Variants in EXOSC5 observed in about 807,000 individuals in gnomAD.
The protein encoded by EXOSC5 is exosome component 5, also known as exosome complex component RRP46.
Under a neutral mutation model 23.7 loss-of-function variants are expected in EXOSC5, and 15 were observed. The observed-to-expected ratio is 0.63, with a 90% confidence interval of 0.42 to 0.97. EXOSC5 has a LOEUF of 0.97. EXOSC5 is among the 50% of genes least tolerant of loss of function. The pLI, the probability that EXOSC5 is intolerant of heterozygous loss-of-function variation, is 0.00. For synonymous variants in EXOSC5, 143 were observed against 140.9 expected, an observed-to-expected ratio of 1.02 and a Z score of -0.11; for missense variants, 305 against 316.3, an observed-to-expected ratio of 0.96 and a Z score of 0.27.
intron 1 of EXOSC5, among the ~76,000 whole-genome samples, chr19:41,396,567 T>C (rs1250875565): frequency 4.6e-5 from 7 of 151,840 alleles, no homozygotes; most frequent in Admixed American, 2.6e-4. Context: ...CTGAGAGTTA[T>C]TTAGCTAGGA....
At chr19:41,389,635 A>G in intron 4 of EXOSC5, 130 bp downstream of exon 4, 1 of 1,320,666 alleles carries the variant, frequency 7.6e-7, no homozygotes, top group Non-Finnish European at 1.0e-6. Context: ...AACCATGATG[A>G]TTAGAGCAGC....
intron 1 of EXOSC5, among the ~76,000 whole-genome samples, chr19:41,393,900 C>T (rs2123225969): frequency 6.6e-6 from 1 of 152,192 alleles, no homozygotes; most frequent in Middle Eastern, 3.4e-3. Context: ...GCTAACCATC[C>T]TCCCTCTTAC....
In EXOSC5 at chr19:41,389,756, C is replaced by T; in HGVS notation, c.525+9G>A. 6.2e-7 allele frequency: 1 copy of T among 1,611,468 alleles called. No homozygotes were observed. ...TCTGCCCTTCAGCCACCCTGGTCTT[C>T]ACACCTACCTTTTCTTGCTTGGATG... On this transcript the variant is annotated intron_variant, in intron 4 of 5. Transcript: ENST00000221233.
At chr19:41,392,814 G>T in intron 2 of EXOSC5, 53 bp downstream of exon 2, 2 of 1,540,718 alleles carry the variant, frequency 1.3e-6, no homozygotes, top group African/African-American at 1.4e-5. Flanking sequence ...GGAGCTGGGG[G>T]GGTGATTTTG....
chr19:41,389,166 C>G (rs7247332), intron 4 of EXOSC5, among the ~76,000 whole-genome samples: 99,764 of 151,956 alleles, frequency 0.66, 33,900 homozygotes, highest in African/African-American at 0.83. Flanking sequence ...GGCTGGTCTT[C>G]AACTCCCAGC....
At position 41,389,921 on chromosome 19, in the gene EXOSC5, A is replaced by G. The variant is rs1199448395; in HGVS notation, c.385-16T>C. ...AGGCCAGGAGCTGAGCACCACAGGA[A>G]ATGGTTAAGTTTCTTTTTTTTTTTT... is the stretch of plus-strand genomic sequence containing the variant. On this transcript the variant is annotated splice_polypyrimidine_tract_variant and intron_variant, in intron 3 of 5. Coordinates refer to ENST00000221233, the MANE Select transcript of EXOSC5 (RefSeq NM_020158.4). 4.4e-6 allele frequency: 7 copies of G among 1,578,000 alleles called. No homozygotes were observed. Among genetic ancestry groups the G allele is most frequent in the Non-Finnish European group, 6.0e-6 (7 of 1,167,810 alleles).
At chr19:41,389,934 CT>C (rs368205554) in intron 3 of EXOSC5, 29 bp from the exon 4 acceptor site, 170,747 of 1,127,016 alleles carry the variant, frequency 0.15, 1 homozygote, top group South Asian at 0.2. Context: ...GGTTAAGTTT[CT>C]TTTTTTTTTT....
chr19:41,386,441 T>C lies in EXOSC5; in HGVS notation c.*192A>G, dbSNP rs956899067. ...GAGCTCCTTTGAATGTTATCCTTGC[T>C]GGGGGGATCTGTGCCCCCAGGCCTG... On this transcript the variant is annotated 3_prime_UTR_variant, in exon 6 of 6. Coordinates refer to ENST00000221233, the MANE Select transcript of EXOSC5 (RefSeq NM_020158.4). The C allele has an allele frequency of 5.3e-6, 3 of 565,896 alleles. No individual in the cohort carries two copies. Among genetic ancestry groups the C allele is most frequent in the Non-Finnish European group, 6.3e-6 (2 of 316,614 alleles). 35.1% of individuals were successfully genotyped at this position (565,896 alleles called of 1,614,324 possible).
rs553722780 is a variant in EXOSC5, at chr19:41,396,248, C to T, written c.148+933G>A. Among the ~76,000 whole-genome samples the T allele has an allele frequency of 2.8e-4, 43 of 150,924 alleles. No homozygotes were observed. The East Asian group carries it at 5.4e-3, about 19-fold the overall frequency. Reference sequence around the variant, plus strand: ...TTTTTGAGACAGAGTCTTGCTTTGTCGCTCACGCTGGAGTACAATGGCACG... The same window carrying T: ...TTTTTGAGACAGAGTCTTGCTTTGTTGCTCACGCTGGAGTACAATGGCACG... On this transcript the variant is annotated intron_variant, in intron 1 of 5. Coordinates refer to ENST00000221233, the MANE Select transcript of EXOSC5 (RefSeq NM_020158.4).
intron 1 of EXOSC5, among the ~76,000 whole-genome samples, chr19:41,396,133 G>A (rs10417311): frequency 0.65 from 99,229 of 151,844 alleles, 33,513 homozygotes; most frequent in African/African-American, 0.82. Flanking sequence ...GCTCATACCT[G>A]TATGAGCACT....
At position 41,391,981 on chromosome 19, in the gene EXOSC5, G is replaced by T; in HGVS notation, c.263-19C>A. On this transcript the variant is annotated intron_variant, in intron 2 of 5. Transcript: ENST00000221233. ...GCAACACCTGGGGAAATTGAAGAGAGGTTCAGGGTCTTCCCCTTCATTTGA... is the reference window on the plus strand; with the variant it reads ...GCAACACCTGGGGAAATTGAAGAGATGTTCAGGGTCTTCCCCTTCATTTGA... 1 of 1,575,526 alleles carries T rather than the reference G, an allele frequency of 6.3e-7. No individual in the cohort carries two copies.
intron 2 of EXOSC5, among the ~76,000 whole-genome samples, chr19:41,392,570 C>T (rs983953772): frequency 1.3e-5 from 2 of 149,134 alleles, no homozygotes; most frequent in Non-Finnish European, 1.5e-5. Flanking sequence ...GGTGACAGAG[C>T]GAGACACTGT....
intron 4 of EXOSC5, among the ~76,000 whole-genome samples, chr19:41,389,490 C>CCCGACCTCAGGTGATCCA (rs1372857606): frequency 6.6e-6 from 1 of 152,194 alleles, no homozygotes; most frequent in African/African-American, 2.4e-5. Flanking sequence ...ATCTCGAACT[C>CCCGACCTCAGGTGATCCA]CCGACCTCAG....
Position 41,392,963 on chromosome 19 carries a change from CCA to C in EXOSC5, c.164_165del (p.Leu55ArgfsTer107). 1 of 1,613,292 alleles carries C rather than the reference CCA, an allele frequency of 6.2e-7. No individual in the cohort carries two copies. Among genetic ancestry groups the C allele is most frequent in the Admixed American group, 1.7e-5 (1 of 60,020 alleles). On this transcript the variant is annotated frameshift_variant, in exon 2 of 6. Transcript: ENST00000221233. LOFTEE classifies it high-confidence loss of function. ...ASFLQGDTSV[L>X]AGVYGPAEVK... ...ACCTCGGCCGGCCCGTACACACCCG[CCA>C]GGACAGAGGTGTCACCTGAGGAGAC...
chr19:41,391,504 CTCAGTTTTG>C (rs2039022267), intron 3 of EXOSC5: 2 of 248,928 alleles, frequency 8.0e-6, no homozygotes, highest in Non-Finnish European at 7.6e-6. Context: ...CTCTCTGGGC[CTCAGTTTTG>C]TCACCTGAAA....
At chr19:41,396,197 G>A (rs1189284394) in intron 1 of EXOSC5, among the ~76,000 whole-genome samples, 2 of 151,736 alleles carry the variant, frequency 1.3e-5, no homozygotes, top group Non-Finnish European at 2.9e-5. Flanking sequence ...GGGTGACATC[G>A]TGAGACGCTG....
At chr19:41,395,930 C>T (rs946240724) in intron 1 of EXOSC5, among the ~76,000 whole-genome samples, 11 of 152,142 alleles carry the variant, frequency 7.2e-5, no homozygotes, top group South Asian at 2.1e-4. Flanking sequence ...ATGCCTGAAT[C>T]TTTTTCCTCG....
At chr19:41,395,395 G>T (rs1250132341) in intron 1 of EXOSC5, among the ~76,000 whole-genome samples, 1 of 152,112 alleles carries the variant, frequency 6.6e-6, no homozygotes, top group Admixed American at 6.5e-5. Flanking sequence ...TCTTGAAGAC[G>T]TGGCTCCAGC....
intron 1 of EXOSC5, 66 bp from the exon 2 acceptor site, chr19:41,393,046 T>C: frequency 7.2e-7 from 1 of 1,394,694 alleles, no homozygotes; most frequent in South Asian, 1.2e-5. Flanking sequence ...TTTGTGGCAC[T>C]GAGCCTGACG....
Sources: allele counts gnomAD v4.1 joint callset (sites outside exome capture counted in the v4.1 genomes callset), GRCh38; gene constraint gnomAD v4.1.1; transcripts MANE v1.5; gene names NCBI Gene and HGNC (gene_info 2026-07-23, HGNC 2026-07-21).